The following ATF6 variants were observed in gnomAD, a reference collection of about 807,000 sequenced individuals.
ATF6 encodes cyclic AMP-dependent transcription factor ATF-6 alpha.
ATF6 carries 53 observed loss-of-function variants against 83.6 expected under a neutral mutation model. The observed-to-expected ratio is 0.63, with a 90% CI of 0.51 to 0.80. The LOEUF (loss-of-function observed/expected upper bound fraction) is 0.80, where lower values mean the gene tolerates loss of function less well. ATF6 is among the 30% of genes least tolerant of loss of function. ATF6 has a pLI of 0.00. For missense variants in ATF6, 744 were observed against 797.9 expected (o/e 0.93, Z 0.81); for synonymous variants, 288 against 285.8 (o/e 1.01, Z -0.08).
At chr1:161,904,619 AAAAC>A (rs1687848462) in intron 14 of ATF6, among the ~76,000 whole-genome samples, 1 of 148,474 alleles carries the variant, frequency 6.7e-6, no homozygotes, top group African/African-American at 2.5e-5. Flanking sequence ...AAAAACAAAA[AAAAC>A]AAAACACACA....
chr1:161,791,141 A>G (rs1429247772), intron 4 of ATF6, among the ~76,000 whole-genome samples: 1 of 149,592 alleles, frequency 6.7e-6, no homozygotes, highest in Non-Finnish European at 1.5e-5. Context: ...TGTAGTTTGT[A>G]GGAAGAAATG....
At chr1:161,797,454 AAAC>A (rs910845306) in intron 6 of ATF6, among the ~76,000 whole-genome samples, 3 of 152,184 alleles carry the variant, frequency 2.0e-5, no homozygotes, top group Non-Finnish European at 4.4e-5. Flanking sequence ...TAGATCTGAT[AAAC>A]AACTTCAGCA....
In ATF6 at chr1:161,808,733, A is replaced by ATT. The variant is rs11428523; in HGVS notation, c.909+6471_909+6472dup. Among the ~76,000 whole-genome samples the ATT allele has an allele frequency of 8.7e-4, 126 of 145,644 alleles. 1 individual carries two copies. The East Asian group carries it at 0.011, about 12-fold the overall frequency. ...ATGTGTGCCACCTGGCTAAATTTTG[A>ATT]TTTTTTTTTTTGTTTTTGTAGAGAT... On this transcript the variant is annotated intron_variant, in intron 7 of 15. Transcript: ENST00000367942.
intron 14 of ATF6, among the ~76,000 whole-genome samples, chr1:161,910,270 G>C (rs1687964149): frequency 6.6e-6 from 1 of 151,992 alleles, no homozygotes; most frequent in Admixed American, 6.6e-5. Flanking sequence ...TACCAGCTTT[G>C]GTTCCCTGCA....
chr1:161,872,443 A>C (rs532103547), intron 14 of ATF6, among the ~76,000 whole-genome samples: 1 of 151,736 alleles, frequency 6.6e-6, no homozygotes, highest in Non-Finnish European at 1.5e-5. Flanking sequence ...GACTAAGACA[A>C]AGCCCTGTGG....
At position 161,819,693 on chromosome 1, in the gene ATF6, C is replaced by T. The variant is rs761357250; in HGVS notation, c.970C>T (p.Arg324Cys). Residue 324 changes from arginine (R) to cysteine (C), a missense_variant, in exon 8 of 16, where the codon CGC (arginine) becomes TGC (cysteine). Coordinates refer to ENST00000367942, the MANE Select transcript of ATF6 (RefSeq NM_007348.4). The stretch of plus-strand genomic sequence containing the variant: ...AAATCGAGAATCCGCTTGTCAGTCT[C>T]GCAAGAAGAAGAAAGAATATATGCT... ...IKNRESACQS[R>C]KKKKEYMLGL... 6.3e-5 allele frequency: 101 copies of T among 1,612,182 alleles called. No homozygotes were observed. The highest frequency in any genetic ancestry group is 7.8e-5 in the Non-Finnish European group (92 of 1,179,292).
chr1:161,790,935 A>C (rs1684861088), intron 4 of ATF6, among the ~76,000 whole-genome samples: 1 of 152,238 alleles, frequency 6.6e-6, no homozygotes, highest in Non-Finnish European at 1.5e-5. Flanking sequence ...GAATACAAAT[A>C]AAATTATTTT....
intron 15 of ATF6, among the ~76,000 whole-genome samples, chr1:161,952,137 C>T (rs1688876624): frequency 6.6e-6 from 1 of 152,088 alleles, no homozygotes; most frequent in South Asian, 2.1e-4. Flanking sequence ...GCATTCTCTC[C>T]CCAAGAGTAA....
intron 9 of ATF6, among the ~76,000 whole-genome samples, chr1:161,826,281 CA>C (rs1685896390): frequency 6.6e-6 from 1 of 151,722 alleles, no homozygotes; most frequent in Admixed American, 6.6e-5. Flanking sequence ...AAGACTGGAA[CA>C]AAAAAAATTT....
At chr1:161,885,660 A>G (rs953173575) in intron 14 of ATF6, among the ~76,000 whole-genome samples, 1 of 152,152 alleles carries the variant, frequency 6.6e-6, no homozygotes, top group Non-Finnish European at 1.5e-5. Flanking sequence ...CTCTTTTGCT[A>G]GTCGGCTTCT....
At position 161,932,206 on chromosome 1, in the gene ATF6, A is replaced by AT. The variant is rs1018073811; in HGVS notation, c.1804+19834dup. On this transcript the variant is annotated intron_variant, in intron 15 of 15. Coordinates refer to ENST00000367942, the MANE Select transcript of ATF6 (RefSeq NM_007348.4). Reference sequence around the variant, plus strand: ...GTCAATTGGAATGACAATGCAAGTTATTTTTTTTGACCAACTTTCACATTT... The same window carrying AT: ...GTCAATTGGAATGACAATGCAAGTTATTTTTTTTTGACCAACTTTCACATTT... Among the ~76,000 whole-genome samples the AT allele has an allele frequency of 2.7e-3, 406 of 151,936 alleles. 1 individual carries two copies. Among genetic ancestry groups the AT allele is most frequent in the African/African-American group, 9.1e-3 (379 of 41,464 alleles).
chr1:161,914,812 C>T (rs963554989), intron 15 of ATF6, among the ~76,000 whole-genome samples: 1 of 152,160 alleles, frequency 6.6e-6, no homozygotes, highest in Non-Finnish European at 1.5e-5. Flanking sequence ...GTGAACACCC[C>T]TTACTTCCTG....
At chr1:161,828,064 A>G (rs530129662) in intron 9 of ATF6, among the ~76,000 whole-genome samples, 1 of 152,182 alleles carries the variant, frequency 6.6e-6, no homozygotes, top group Admixed American at 6.5e-5. Context: ...GGTTAATTCT[A>G]TGATTATTAG....
At chr1:161,808,380 T>C (rs1324024956) in intron 7 of ATF6, among the ~76,000 whole-genome samples, 1 of 152,170 alleles carries the variant, frequency 6.6e-6, no homozygotes, top group Non-Finnish European at 1.5e-5. Flanking sequence ...TCATTCTTAC[T>C]AGTTTTGTGT....
chr1:161,920,912 G>T (rs1368789844), intron 15 of ATF6, among the ~76,000 whole-genome samples: 1 of 152,096 alleles, frequency 6.6e-6, no homozygotes, highest in Admixed American at 6.5e-5. Context: ...GGCTCAGAAA[G>T]ATAATATTTT....
rs190225403 is a variant in ATF6 at position 161,847,932 on chromosome 1, A to G, written c.1319+1352A>G. ...GAAGCCTTCCACATTAGCATAAGAT[A>G]ACATGGTGGCTCCCAGAAAGCATAG... On this transcript the variant is annotated intron_variant, in intron 10 of 15. Coordinates refer to ENST00000367942, the MANE Select transcript of ATF6 (RefSeq NM_007348.4). Among the ~76,000 whole-genome samples, 310 of 152,238 alleles carry G rather than the reference A, an allele frequency of 2.0e-3. 1 individual carries two copies. The highest frequency in any genetic ancestry group is 7.2e-3 in the African/African-American group (300 of 41,562).
chr1:161,893,609 G>A (rs977434199), intron 14 of ATF6, among the ~76,000 whole-genome samples: 5 of 152,130 alleles, frequency 3.3e-5, no homozygotes, highest in African/African-American at 9.7e-5. Context: ...ATAGAAAGAC[G>A]TCTTACTTCC....
intron 9 of ATF6, among the ~76,000 whole-genome samples, chr1:161,837,465 A>G (rs567541180): frequency 6.6e-6 from 1 of 152,198 alleles, no homozygotes; most frequent in Non-Finnish European, 1.5e-5. Context: ...TGTTATGCAC[A>G]CTGTCAGTTT....
At chr1:161,897,423 C>T (rs1049454316) in intron 14 of ATF6, among the ~76,000 whole-genome samples, 5 of 151,974 alleles carry the variant, frequency 3.3e-5, no homozygotes, top group Non-Finnish European at 5.9e-5. Flanking sequence ...GGAAACAGAG[C>T]GAGACCCTGT....
Sources: gnomAD v4.1 joint callset for allele counts (sites outside exome capture counted in the v4.1 genomes callset) on GRCh38, gnomAD v4.1.1 for gene constraint, MANE v1.5 for transcripts, NCBI Gene and HGNC (gene_info 2026-07-23, HGNC 2026-07-21) for gene names.